FRMD4A: variants seen among roughly 807,000 people sequenced by gnomAD.
The protein encoded by FRMD4A is FERM domain containing 4A.
Under a neutral mutation model 129.1 loss-of-function variants are expected in FRMD4A, and 29 were observed. That is an observed-to-expected ratio of 0.22 (90% CI 0.17 to 0.31). The LOEUF (loss-of-function observed/expected upper bound fraction) is 0.31, where lower values mean the gene tolerates loss of function less well. FRMD4A is among the 10% of genes least tolerant of loss of function. The pLI is 1.00. For synonymous variants in FRMD4A, 634 were observed against 571.6 expected (o/e 1.11, Z -1.56); for missense variants, 1,272 against 1,375.8 (o/e 0.92, Z 1.19).
intron 2 of FRMD4A, among the ~76,000 whole-genome samples, chr10:14,068,239 G>C (rs1835154596): frequency 6.6e-6 from 1 of 152,176 alleles, no homozygotes; most frequent in Admixed American, 6.5e-5. Context: ...GGCTCAGCTG[G>C]TATCAGTAGG....
chr10:14,015,306 C>T (rs1255170747), intron 2 of FRMD4A, among the ~76,000 whole-genome samples: 3 of 136,480 alleles, frequency 2.2e-5, no homozygotes, highest in African/African-American at 8.1e-5. Context: ...TTCCTTTCAT[C>T]CTTTCTTCCC....
chr10:13,917,009 T>C (rs778932600), intron 2 of FRMD4A, among the ~76,000 whole-genome samples: 21 of 152,226 alleles, frequency 1.4e-4, no homozygotes, highest in Non-Finnish European at 2.6e-4. Context: ...GAATTGTCTC[T>C]GTGTGCTCAC....
At chr10:14,071,291 G>T (rs192714654) in intron 2 of FRMD4A, among the ~76,000 whole-genome samples, 2 of 152,318 alleles carry the variant, frequency 1.3e-5, no homozygotes, top group East Asian at 3.9e-4. Context: ...GATTAAATCA[G>T]GCTGGCATCT....
At chr10:14,232,816 C>T (rs1027182658) in intron 2 of FRMD4A, among the ~76,000 whole-genome samples, 3 of 152,110 alleles carry the variant, frequency 2.0e-5, no homozygotes, top group Non-Finnish European at 4.4e-5. Flanking sequence ...GATCTAAAAG[C>T]CTTTGGGCAG....
intron 2 of FRMD4A, among the ~76,000 whole-genome samples, chr10:14,275,248 T>C (rs1023937291): frequency 6.6e-6 from 1 of 152,208 alleles, no homozygotes; most frequent in Non-Finnish European, 1.5e-5. Flanking sequence ...CTAGACCGAC[T>C]CAAGGACAGT....
chr10:13,799,919 C>T (rs2093215559), intron 4 of FRMD4A, among the ~76,000 whole-genome samples: 1 of 152,042 alleles, frequency 6.6e-6, no homozygotes, highest in African/African-American at 2.4e-5. Flanking sequence ...GTAGCTCACA[C>T]CTGAAATCCC....
At chr10:13,963,269 C>CTTT (rs142764391) in intron 2 of FRMD4A, among the ~76,000 whole-genome samples, 3 of 116,816 alleles carry the variant, frequency 2.6e-5, no homozygotes, top group African/African-American at 6.5e-5. Flanking sequence ...GTGCAAGCCT[C>CTTT]TTTTTTTTTT....
chr10:13,655,684 A>T (rs1209477735), intron 22 of FRMD4A: 1 of 152,090 alleles, frequency 6.6e-6, no homozygotes, highest in African/African-American at 2.4e-5. Flanking sequence ...ACCCCCCATT[A>T]TCTCAGGTCA....
At position 14,092,207 on chromosome 10, in the gene FRMD4A, G is replaced by A. The variant is rs188819613; in HGVS notation, c.46-233295C>T. ...CTCCCATACTGAACCGGCTACTAGG[G>A]GCACCTGACCACGTAGAACCCAACA... is the stretch of plus-strand genomic sequence containing the variant. On this transcript the variant is annotated intron_variant, in intron 2 of 24. Coordinates refer to ENST00000357447, the MANE Select transcript of FRMD4A (RefSeq NM_018027.5). 1.3e-3 allele frequency among the ~76,000 whole-genome samples: 202 copies of A among 152,280 alleles called. 6 individuals are homozygous for A. Among genetic ancestry groups the A allele is most frequent in the Admixed American group, 0.013 (200 of 15,296 alleles).
At chr10:14,298,162 A>T (rs1296796419) in intron 2 of FRMD4A, among the ~76,000 whole-genome samples, 1 of 152,198 alleles carries the variant, frequency 6.6e-6, no homozygotes, top group Non-Finnish European at 1.5e-5. Context: ...AAGGCCTAAA[A>T]TATTTACTAT....
chr10:13,838,907 A>C (rs1009103065), intron 3 of FRMD4A, among the ~76,000 whole-genome samples: 5 of 152,050 alleles, frequency 3.3e-5, no homozygotes, highest in Non-Finnish European at 7.4e-5. Flanking sequence ...CTTAACCAGG[A>C]CATTGAATAA....
Position 14,054,181 on chromosome 10 carries a change from C to A in FRMD4A, c.46-195269G>T, listed in dbSNP as rs528027314. The stretch of plus-strand genomic sequence containing the variant: ...CTCTGTCTCTTAACAAAAAAGACCC[C>A]TGTGGTTTCTCAGCACTTCTGGAGG... On this transcript the variant is annotated intron_variant, in intron 2 of 24. Transcript: ENST00000357447. Among the ~76,000 whole-genome samples the A allele has an allele frequency of 4.2e-4, 64 of 152,258 alleles. 1 individual carries two copies. Among genetic ancestry groups the A allele is most frequent in the African/African-American group, 1.4e-3 (58 of 41,542 alleles).
chr10:13,806,681 G>A (rs1184406656), intron 4 of FRMD4A, among the ~76,000 whole-genome samples: 1 of 152,210 alleles, frequency 6.6e-6, no homozygotes, highest in Non-Finnish European at 1.5e-5. Context: ...GAGAAGCTGA[G>A]GTCACACCCA....
intron 2 of FRMD4A, among the ~76,000 whole-genome samples, chr10:14,178,094 C>T (rs1841793889): frequency 6.6e-6 from 1 of 152,216 alleles, no homozygotes; most frequent in African/African-American, 2.4e-5. Flanking sequence ...TACTGCTATA[C>T]TGCAGAAGCT....
intron 6 of FRMD4A, among the ~76,000 whole-genome samples, chr10:13,765,955 C>T (rs1442367569): frequency 6.6e-6 from 1 of 152,278 alleles, no homozygotes; most frequent in South Asian, 2.1e-4. Context: ...TGGTCGACTG[C>T]GGGCTAATAT....
intron 8 of FRMD4A, among the ~76,000 whole-genome samples, chr10:13,750,307 G>C (rs2091552631): frequency 6.6e-6 from 1 of 152,196 alleles, no homozygotes; most frequent in South Asian, 2.1e-4. Flanking sequence ...CAGATCAACT[G>C]ATAATCAATA....
intron 2 of FRMD4A, among the ~76,000 whole-genome samples, chr10:13,936,414 T>G (rs2095249453): frequency 6.6e-6 from 1 of 152,182 alleles, no homozygotes; most frequent in South Asian, 2.1e-4. Flanking sequence ...CTGAATGTGC[T>G]CCTCCAAAAT....
chr10:13,923,415 T>G (rs1042651933), intron 2 of FRMD4A, among the ~76,000 whole-genome samples: 3 of 152,224 alleles, frequency 2.0e-5, no homozygotes, highest in Non-Finnish European at 4.4e-5. Context: ...ACCACAACTT[T>G]AGACTTAGGC....
chr10:13,873,225 C>T (rs779576681), intron 2 of FRMD4A, among the ~76,000 whole-genome samples: 1 of 148,962 alleles, frequency 6.7e-6, no homozygotes, highest in Non-Finnish European at 1.5e-5. Flanking sequence ...TAGATGGAGA[C>T]CCCAGACAGA....
Sources: allele counts gnomAD v4.1 joint callset (sites outside exome capture counted in the v4.1 genomes callset), GRCh38; gene constraint gnomAD v4.1.1; transcripts MANE v1.5; gene names NCBI Gene and HGNC (gene_info 2026-07-23, HGNC 2026-07-21).